The following CNBD2 variants were observed in gnomAD, a reference collection of about 807,000 sequenced individuals.
CNBD2 encodes cyclic nucleotide binding domain containing 2.
CNBD2 carries 64 observed loss-of-function variants against 63.7 expected under a neutral mutation model. That is an observed-to-expected ratio of 1.00 (90% CI 0.82 to 1.24). CNBD2 has a LOEUF of 1.24. Ranked by LOEUF, CNBD2 falls within the 50% of genes most tolerant of loss-of-function variation. CNBD2 has a pLI of 0.00. For synonymous variants in CNBD2, 229 were observed against 255.4 expected (o/e 0.90, Z 0.99); for missense variants, 691 against 713.5 (o/e 0.97, Z 0.36).
At chr20:36,012,679 G>A (rs907089539) in intron 10 of CNBD2, among the ~76,000 whole-genome samples, 18 of 151,730 alleles carry the variant, frequency 1.2e-4, no homozygotes, top group African/African-American at 4.1e-4. Flanking sequence ...TGCAAAATTA[G>A]CCAGGCATGG....
intron 3 of CNBD2, among the ~76,000 whole-genome samples, 180 bp from the exon 4 acceptor site, chr20:35,980,279 G>A (rs1162676039): frequency 1.3e-5 from 2 of 152,214 alleles, no homozygotes; most frequent in South Asian, 2.1e-4. Context: ...CTGGCAGGAT[G>A]CAGTGAGATG....
intron 7 of CNBD2, among the ~76,000 whole-genome samples, chr20:35,993,425 T>C (rs1045788415): frequency 2.6e-5 from 4 of 152,236 alleles, no homozygotes; most frequent in African/African-American, 9.6e-5. Flanking sequence ...TCTGACTTCT[T>C]TTGCTCAACT....
At chr20:36,028,538 G>A (rs547233729) in intron 11 of CNBD2, among the ~76,000 whole-genome samples, 5 of 152,212 alleles carry the variant, frequency 3.3e-5, no homozygotes, top group African/African-American at 4.8e-5. Context: ...AGCACAGGGC[G>A]GCCCATGTGG....
intron 9 of CNBD2, 96 bp downstream of exon 9, chr20:36,008,570 C>T: frequency 8.1e-7 from 1 of 1,235,528 alleles, no homozygotes; most frequent in Non-Finnish European, 1.1e-6. Context: ...GGATAAGGGG[C>T]AAAGGTGGAG....
chr20:36,029,236 A>T (rs564980188), intron 11 of CNBD2, among the ~76,000 whole-genome samples: 1 of 152,324 alleles, frequency 6.6e-6, no homozygotes, highest in African/African-American at 2.4e-5. Context: ...TGAATCCCTT[A>T]GCCTCACCCC....
Position 35,968,797 on chromosome 20 carries a change from T to C in CNBD2, c.35T>C (p.Leu12Pro), listed in dbSNP as rs1408454129. Residue 12 changes from leucine (L) to proline (P), a missense_variant, in exon 1 of 12, where the codon CTC becomes CCC. Transcript: ENST00000373973. ...RRHMVTYAWQ[L>P]LKKELGLYQL... ...CATATGGTAACTTATGCCTGGCAGC[T>C]CCTGAAGAAGGAACTGGTGAGGAGG... 1.5e-5 allele frequency: 24 copies of C among 1,608,344 alleles called. No homozygotes were observed. The highest frequency in any genetic ancestry group is 2.0e-5 in the Non-Finnish European group (23 of 1,177,940).
chr20:35,976,939 A>G (rs917418501), intron 3 of CNBD2, among the ~76,000 whole-genome samples: 4 of 152,112 alleles, frequency 2.6e-5, no homozygotes, highest in Non-Finnish European at 5.9e-5. Flanking sequence ...CTTGGAGCCC[A>G]GGTATGGCTT....
At chr20:35,999,632 A>C (rs2056869895) in intron 8 of CNBD2, among the ~76,000 whole-genome samples, 1 of 152,124 alleles carries the variant, frequency 6.6e-6, no homozygotes, top group Non-Finnish European at 1.5e-5. Context: ...TGTATATTAA[A>C]AACCTTACCA....
chr20:35,980,430 C>T (rs1479256358), intron 3 of CNBD2, 29 bp from the exon 4 acceptor site: 1 of 1,612,680 alleles, frequency 6.2e-7, no homozygotes, highest in East Asian at 2.2e-5. Context: ...TGCTGGGTCC[C>T]CTGTATCACT....
chr20:35,976,892 C>T (rs1010806352), intron 3 of CNBD2, among the ~76,000 whole-genome samples: 4 of 152,124 alleles, frequency 2.6e-5, no homozygotes, highest in African/African-American at 9.7e-5. Context: ...GGTATCAGGG[C>T]CACCTGTGCC....
intron 7 of CNBD2, among the ~76,000 whole-genome samples, chr20:35,988,642 T>C (rs750760218): frequency 4.6e-5 from 7 of 152,194 alleles, no homozygotes; most frequent in Non-Finnish European, 1.0e-4. Flanking sequence ...GCCATAGCCA[T>C]AGGTATAGGG....
At chr20:35,984,876 G>C in intron 6 of CNBD2, 98 bp downstream of exon 6, 1 of 1,264,884 alleles carries the variant, frequency 7.9e-7, no homozygotes, top group East Asian at 2.3e-5. Context: ...ACTGGTTGCT[G>C]TTCTCTCTGT....
At chr20:35,975,818 C>G in intron 2 of CNBD2, 131 bp from the exon 3 acceptor site, 1 of 729,754 alleles carries the variant, frequency 1.4e-6, no homozygotes, top group African/African-American at 1.7e-5. Context: ...CCTGAAAGGG[C>G]CGGCTGCTAT....
intron 11 of CNBD2, among the ~76,000 whole-genome samples, chr20:36,027,858 G>A (rs2057299982): frequency 6.6e-6 from 1 of 151,986 alleles, no homozygotes; most frequent in East Asian, 1.9e-4. Flanking sequence ...TAGAGATGGG[G>A]TTTCACCATG....
intron 2 of CNBD2, among the ~76,000 whole-genome samples, chr20:35,975,262 A>C (rs2056490926): frequency 7.5e-6 from 1 of 132,488 alleles, no homozygotes; most frequent in East Asian, 2.1e-4. Flanking sequence ...CGGCCTCCCA[A>C]AGTGCTGGGA....
chr20:36,026,799 A>G (rs1022531103), intron 11 of CNBD2, among the ~76,000 whole-genome samples: 2 of 152,206 alleles, frequency 1.3e-5, no homozygotes, highest in African/African-American at 4.8e-5. Context: ...CCCTTTCTGC[A>G]CACTCATAAT....
At chr20:36,024,792 G>A (rs989564521) in intron 11 of CNBD2, among the ~76,000 whole-genome samples, 21 of 151,662 alleles carry the variant, frequency 1.4e-4, no homozygotes, top group Admixed American at 1.3e-3. Context: ...ACACACCACC[G>A]GGTGTGGTGG....
At chr20:35,983,648 T>C (rs2056626340) in intron 4 of CNBD2, among the ~76,000 whole-genome samples, 1 of 152,250 alleles carries the variant, frequency 6.6e-6, no homozygotes, top group Non-Finnish European at 1.5e-5. Context: ...ATTTAGTGAC[T>C]CTACTAACCC....
intron 2 of CNBD2, chr20:35,973,281 A>G (rs2056448605): frequency 6.3e-6 from 1 of 159,230 alleles, no homozygotes; most frequent in Non-Finnish European, 1.4e-5. Flanking sequence ...GCCAGAAGCA[A>G]TCCAGGAATC....
Sources: gnomAD v4.1 joint callset for allele counts (sites outside exome capture counted in the v4.1 genomes callset) on GRCh38, gnomAD v4.1.1 for gene constraint, MANE v1.5 for transcripts, NCBI Gene and HGNC (gene_info 2026-07-23, HGNC 2026-07-21) for gene names.